STAU2: variants seen among roughly 807,000 people sequenced by gnomAD.
The protein encoded by STAU2 is double-stranded RNA-binding protein Staufen homolog 2.
STAU2 carries 20 observed loss-of-function variants against 65.9 expected under a neutral mutation model. The observed-to-expected ratio is 0.30, with a 90% CI of 0.21 to 0.44. STAU2 has a LOEUF of 0.44. STAU2 is among the 20% of genes least tolerant of loss of function. STAU2 has a pLI of 1.00. For synonymous variants in STAU2, 232 were observed against 233.9 expected, an observed-to-expected ratio of 0.99 and a Z score of 0.07; for missense variants, 558 against 683.9, an observed-to-expected ratio of 0.82 and a Z score of 2.05.
rs185198760 is a variant in STAU2 at position 73,689,711 on chromosome 8, C to A, written c.115-898G>T. ...GACTGCATATTACTTTCTAGGAATA[C>A]TAAGTATTAACTTAAAATTACTTAT... On this transcript the variant is annotated intron_variant, in intron 4 of 14. Coordinates refer to ENST00000524300, the MANE Select transcript of STAU2 (RefSeq NM_001164380.2). 1.3e-3 allele frequency among the ~76,000 whole-genome samples: 194 copies of A among 152,184 alleles called. 1 individual carries two copies. The highest frequency in any genetic ancestry group is 4.6e-3 in the African/African-American group (189 of 41,538).
Position 73,552,240 on chromosome 8 carries a change from A to G in STAU2, c.1302T>C (p.Thr434=), listed in dbSNP as rs1807385646. Residue 434 remains threonine (T), a synonymous_variant, in exon 13 of 15, where the codon ACT becomes ACC. Transcript: ENST00000524300. Reference sequence around the variant, plus strand: ...CTTTGGGTGACAAATAGCCTAGAGTAGTGCCAGAGATTACTTTGTGGCGGC... The same window carrying G: ...CTTTGGGTGACAAATAGCCTAGAGTGGTGCCAGAGATTACTTTGTGGCGGC... ...EASRHKVISG[T]TLGYLSPKDM... The G allele has an allele frequency of 6.2e-7, 1 of 1,613,908 alleles. No homozygotes were observed. The highest frequency in any genetic ancestry group is 2.2e-5 in the East Asian group (1 of 44,856).
At chr8:73,689,286 A>C (rs1486100742) in intron 4 of STAU2, among the ~76,000 whole-genome samples, 1 of 152,188 alleles carries the variant, frequency 6.6e-6, no homozygotes, top group Admixed American at 6.5e-5. Context: ...AAAACTCTGA[A>C]TCTCCACAAC....
chr8:73,683,712 A>AG (rs1554563062), intron 5 of STAU2, among the ~76,000 whole-genome samples: 1 of 152,182 alleles, frequency 6.6e-6, no homozygotes, highest in Non-Finnish European at 1.5e-5. Flanking sequence ...AGAAAACCCT[A>AG]AAGACTCAAC....
At chr8:73,434,671 T>C (rs924436382) in intron 13 of STAU2, among the ~76,000 whole-genome samples, 1 of 151,934 alleles carries the variant, frequency 6.6e-6, no homozygotes, top group Non-Finnish European at 1.5e-5. Context: ...TGGTGTTTAA[T>C]AAATGAGGGC....
At chr8:73,606,104 A>T (rs1812019472) in intron 9 of STAU2, among the ~76,000 whole-genome samples, 1 of 152,134 alleles carries the variant, frequency 6.6e-6, no homozygotes, top group Admixed American at 6.5e-5. Context: ...CGTAAATGTA[A>T]TTTCTAAAAC....
intron 2 of STAU2, among the ~76,000 whole-genome samples, chr8:73,738,677 A>G (rs1156713071): frequency 6.6e-6 from 1 of 152,226 alleles, no homozygotes; most frequent in Non-Finnish European, 1.5e-5. Context: ...TTCTGCTTCT[A>G]GACTTCTAAG....
chr8:73,736,409 T>C (rs1352126597), intron 3 of STAU2, among the ~76,000 whole-genome samples: 3 of 152,234 alleles, frequency 2.0e-5, no homozygotes, highest in African/African-American at 7.2e-5. Flanking sequence ...TGAAACAAAC[T>C]GTCTAACAAG....
chr8:73,456,842 T>A (rs1819098065), intron 13 of STAU2, among the ~76,000 whole-genome samples: 1 of 152,272 alleles, frequency 6.6e-6, no homozygotes, highest in African/African-American at 2.4e-5. Context: ...GGCTGCTAGA[T>A]TCAAATTCCA....
At chr8:73,542,114 A>C (rs536545239) in intron 13 of STAU2, among the ~76,000 whole-genome samples, 12 of 152,264 alleles carry the variant, frequency 7.9e-5, no homozygotes, top group South Asian at 2.1e-4. Context: ...ATGTATCCCA[A>C]ACTAGATTAA....
At position 73,673,187 on chromosome 8, in the gene STAU2, A is replaced by G. The variant is rs373781707; in HGVS notation, c.330T>C (p.Pro110=). The change falls in exon 6 of 15, where the codon CCT becomes CCC. Residue 110 remains proline, a synonymous_variant. Coordinates refer to ENST00000524300, the MANE Select transcript of STAU2 (RefSeq NM_001164380.2). The part of the protein sequence containing the change: ...LNGLAMKRGE[P]AIYRPLDPKP... Reference sequence around the variant, plus strand: ...TTGGATCTAATGGCCTGTAGATGGCAGGCTCTCCCCTTTTCATAGCAAGCC... The same window carrying G: ...TTGGATCTAATGGCCTGTAGATGGCGGGCTCTCCCCTTTTCATAGCAAGCC... 9 of 1,607,816 alleles carry G rather than the reference A, an allele frequency of 5.6e-6. No homozygotes were observed. In the African/African-American group the frequency reaches 1.2e-4, roughly 22 times the overall value.
intron 11 of STAU2, among the ~76,000 whole-genome samples, chr8:73,591,081 A>C (rs1385757361): frequency 3.3e-5 from 5 of 152,230 alleles, no homozygotes; most frequent in Non-Finnish European, 1.5e-5. Flanking sequence ...ATTTACACAA[A>C]TAAATGAAGG....
intron 5 of STAU2, among the ~76,000 whole-genome samples, chr8:73,683,952 A>C (rs578007988): frequency 1.3e-5 from 2 of 152,318 alleles, no homozygotes; most frequent in East Asian, 3.9e-4. Context: ...GCTGAAAGAA[A>C]TCATAGAGGA....
At chr8:73,643,754 A>G (rs1396319689) in intron 6 of STAU2, among the ~76,000 whole-genome samples, 1 of 152,362 alleles carries the variant, frequency 6.6e-6, no homozygotes, top group East Asian at 1.9e-4. Flanking sequence ...CATAGTGACT[A>G]GAAACAAACT....
At chr8:73,428,298 T>G (rs1227429197) in intron 13 of STAU2, among the ~76,000 whole-genome samples, 5 of 152,250 alleles carry the variant, frequency 3.3e-5, no homozygotes, top group Non-Finnish European at 7.3e-5. Context: ...ATGACATAAT[T>G]TCTTCCTTTT....
chr8:73,590,325 A>G (rs1810681564), intron 11 of STAU2, among the ~76,000 whole-genome samples: 1 of 152,062 alleles, frequency 6.6e-6, no homozygotes, highest in South Asian at 2.1e-4. Flanking sequence ...AAAGAAATAT[A>G]TTAAAGGCTG....
In STAU2 at chr8:73,624,806, G is replaced by T. The variant is rs545139896; in HGVS notation, c.411-7355C>A. On this transcript the variant is annotated intron_variant, in intron 6 of 14. Coordinates refer to ENST00000524300, the MANE Select transcript of STAU2 (RefSeq NM_001164380.2). ...GCAACTTAAGTCTCTCTAGATGTATGAGATCTGGCAGATTCTGAAGATCTC... is the reference window on the plus strand; with the variant it reads ...GCAACTTAAGTCTCTCTAGATGTATTAGATCTGGCAGATTCTGAAGATCTC... Among the ~76,000 whole-genome samples the T allele has an allele frequency of 1.9e-4, 29 of 152,352 alleles. No individual in the cohort carries two copies. The South Asian group carries it at 6.0e-3, about 32-fold the overall frequency.
rs1308057632 is a variant in STAU2, at chr8:73,481,522, A to ACC, written c.1531-58821_1531-58820insGG. 2.1e-4 allele frequency among the ~76,000 whole-genome samples: 30 copies of ACC among 143,792 alleles called. 1 individual carries two copies. Among genetic ancestry groups the ACC allele is most frequent in the Admixed American group, 5.5e-4 (8 of 14,646 alleles). The allele number at this position is 143,792 out of a possible 152,430, so 94.3% of individuals were successfully genotyped here. On this transcript the variant is annotated intron_variant, in intron 13 of 14. Transcript: ENST00000524300. ...AGCCAAAAAAACAAAAAAACAAAAA[A>ACC]AAAAAACACTTTTTTTGAGTGAACC...
chr8:73,692,779 T>C (rs926896249), intron 4 of STAU2, among the ~76,000 whole-genome samples: 2 of 152,276 alleles, frequency 1.3e-5, no homozygotes, highest in East Asian at 1.9e-4. Context: ...CAGAATTTAG[T>C]TAAATAGTAG....
intron 13 of STAU2, among the ~76,000 whole-genome samples, chr8:73,480,954 C>T (rs77891763): frequency 0.026 from 3,897 of 152,202 alleles, 106 homozygotes; most frequent in African/African-American, 0.073. Context: ...ACTCTGACAT[C>T]GTTTAAATCA....
Sources: gnomAD v4.1 joint callset for allele counts (sites outside exome capture counted in the v4.1 genomes callset) on GRCh38, gnomAD v4.1.1 for gene constraint, MANE v1.5 for transcripts, NCBI Gene and HGNC (gene_info 2026-07-23, HGNC 2026-07-21) for gene names.